Variants in BFAR observed in about 807,000 individuals in gnomAD.
BFAR encodes the protein bifunctional apoptosis regulator, also known as RING finger protein 47.
A neutral mutation model predicts 54.4 loss-of-function variants in BFAR; 52 were observed. The ratio of observed to expected loss-of-function variants is 0.96; its 90% CI spans 0.77 to 1.21. The LOEUF (loss-of-function observed/expected upper bound fraction) is 1.21, where lower values mean the gene tolerates loss of function less well. BFAR is among the 50% of genes most tolerant of loss of function. BFAR has a pLI of 0.00. For missense variants in BFAR, 571 were observed against 534.0 expected (o/e 1.07, Z -0.68); for synonymous variants, 215 against 204.3 (o/e 1.05, Z -0.45).
At chr16:14,654,557 G>A (rs1960068748) in intron 4 of BFAR, among the ~76,000 whole-genome samples, 1 of 146,364 alleles carries the variant, frequency 6.8e-6, no homozygotes, top group East Asian at 2.0e-4. Context: ...CTGAAGGCTG[G>A]AGGGCAGTGA....
chr16:14,662,721 T>A (rs1472867647), intron 6 of BFAR, among the ~76,000 whole-genome samples: 1 of 152,112 alleles, frequency 6.6e-6, no homozygotes. Context: ...TTTCACCATG[T>A]TGCCCAGCCT....
intron 1 of BFAR, among the ~76,000 whole-genome samples, chr16:14,634,636 T>G (rs1446249564): frequency 1.3e-5 from 2 of 152,140 alleles, no homozygotes; most frequent in Non-Finnish European, 2.9e-5. Flanking sequence ...CAGACCAACC[T>G]AGGCAACATA....
In BFAR at chr16:14,664,919, C is replaced by A; in HGVS notation, c.1008C>A (p.Tyr336Ter). ...WKQWREFLVK[Y>*]SFLPYQLIAE... ...AGTGGAGAGAGTTCCTGGTCAAATA[C>A]TCCTTCCTTCCATACCAGCTGATTG... is the stretch of plus-strand genomic sequence containing the variant. The change falls in exon 7 of 8, where the codon TAC (tyrosine) becomes TAA (stop). Residue 336 changes from tyrosine to a stop codon, truncating the protein, a stop_gained. Transcript: ENST00000261658. LOFTEE classifies it high-confidence loss of function. 3 of 1,614,060 alleles carry A rather than the reference C, an allele frequency of 1.9e-6. No individual in the cohort carries two copies. Among genetic ancestry groups the A allele is most frequent in the Non-Finnish European group, 2.5e-6 (3 of 1,179,912 alleles).
chr16:14,667,870 C>G lies in BFAR; in HGVS notation c.*43C>G. The G allele has an allele frequency of 6.3e-7, 1 of 1,578,522 alleles. No homozygotes were observed. Among genetic ancestry groups the G allele is most frequent in the Non-Finnish European group, 8.7e-7 (1 of 1,150,438 alleles). On this transcript the variant is annotated 3_prime_UTR_variant, in exon 8 of 8. Transcript: ENST00000261658. ...GAGACTCTTCAAGTCCCGCTGACGT[C>G]TGAGCTTTGATGCTTAAGAGGGGTG...
chr16:14,661,397 T>A lies in BFAR; in HGVS notation c.784-495T>A, dbSNP rs1005035834. ...GCTAGAGCTAGAGATTGGATCTTTT[T>A]TTTTTTTTTTTTTTTTTTTTTTGAG... On this transcript the variant is annotated intron_variant, in intron 5 of 7. Transcript: ENST00000261658. Among the ~76,000 whole-genome samples, 7 of 131,726 alleles carry A rather than the reference T, an allele frequency of 5.3e-5. No individual in the cohort carries two copies. In the Admixed American group the frequency reaches 5.4e-4, roughly 10 times the overall value. The allele number at this position is 131,726 out of a possible 152,430, so 86.4% of individuals were successfully genotyped here. A position where few individuals can be genotyped will look rare whatever the true frequency, so the allele number is the denominator to read the frequency against.
intron 2 of BFAR, among the ~76,000 whole-genome samples, chr16:14,645,334 A>G (rs888272622): frequency 2.0e-5 from 3 of 152,122 alleles, no homozygotes; most frequent in Non-Finnish European, 2.9e-5. Context: ...AAAGAAAGAA[A>G]GAAAGCAAAT....
intron 7 of BFAR, chr16:14,667,172 A>C (rs1280479908): frequency 4.0e-5 from 6 of 148,398 alleles, no homozygotes; most frequent in Non-Finnish European, 7.5e-5. Flanking sequence ...CCTTGTCCCT[A>C]CTTAAAATAA....
intron 5 of BFAR, among the ~76,000 whole-genome samples, chr16:14,656,724 C>A (rs1960139502): frequency 6.6e-6 from 1 of 152,070 alleles, no homozygotes; most frequent in Non-Finnish European, 1.5e-5. Flanking sequence ...ACCTAAGTGC[C>A]CCTCATTAGG....
intron 2 of BFAR, 35 bp from the exon 3 acceptor site, chr16:14,648,353 C>A (rs762829321): frequency 1.3e-6 from 2 of 1,541,092 alleles, no homozygotes; most frequent in South Asian, 1.1e-5. Context: ...TTTAGTCAAA[C>A]AACTGTCTTA....
At chr16:14,645,849 A>G (rs951103301) in intron 2 of BFAR, among the ~76,000 whole-genome samples, 7 of 152,192 alleles carry the variant, frequency 4.6e-5, no homozygotes, top group East Asian at 1.9e-4. Context: ...ATACACACAC[A>G]TACACACACA....
chr16:14,639,655 G>T (rs1959562036), intron 1 of BFAR, among the ~76,000 whole-genome samples: 1 of 152,140 alleles, frequency 6.6e-6, no homozygotes, highest in Admixed American at 6.5e-5. Context: ...TGCATCATTG[G>T]GAGATTGTGT....
In BFAR at chr16:14,644,470, G is replaced by A. The variant is rs1345955730; in HGVS notation, c.124G>A (p.Val42Ile). 1 of 1,613,884 alleles carries A rather than the reference G, an allele frequency of 6.2e-7. No homozygotes were observed. The highest frequency in any genetic ancestry group is 8.5e-7 in the Non-Finnish European group (1 of 1,180,020). ...TTGCCACTGCTGCTACGACATCCTGGTTAACCCCACCACCTTGAACTGTGG... is the reference window on the plus strand; with the variant it reads ...TTGCCACTGCTGCTACGACATCCTGATTAACCCCACCACCTTGAACTGTGG... ...FSCHCCYDIL[V>I]NPTTLNCGHS... The change falls in exon 2 of 8, where the codon GTT (valine) becomes ATT (isoleucine). Residue 42 changes from valine (V) to isoleucine (I), a missense_variant. Coordinates refer to ENST00000261658, the MANE Select transcript of BFAR (RefSeq NM_016561.3).
chr16:14,654,006 CTTT>C (rs776274046), intron 4 of BFAR, among the ~76,000 whole-genome samples: 1 of 121,480 alleles, frequency 8.2e-6, no homozygotes, highest in Middle Eastern at 3.9e-3. Flanking sequence ...CATCTAAGAA[CTTT>C]TTTTTTTTTT....
chr16:14,645,295 G>A (rs1371036883), intron 2 of BFAR, among the ~76,000 whole-genome samples: 1 of 152,018 alleles, frequency 6.6e-6, no homozygotes, highest in East Asian at 1.9e-4. Flanking sequence ...GGGCAACAGA[G>A]CAAGACCCTG....
Position 14,636,965 on chromosome 16 carries a change from C to T in BFAR, c.-74+3947C>T, listed in dbSNP as rs376276460. Among the ~76,000 whole-genome samples, 6 of 152,154 alleles carry T rather than the reference C, an allele frequency of 3.9e-5. No homozygotes were observed. The East Asian group carries it at 1.2e-3, about 29-fold the overall frequency. On this transcript the variant is annotated intron_variant, in intron 1 of 7. Coordinates refer to ENST00000261658, the MANE Select transcript of BFAR (RefSeq NM_016561.3). ...GACACAGCACGTGTTTCAGAGAGCACGGGGTTGGGGGTAAGGTTATAGATT... is the reference window on the plus strand; with the variant it reads ...GACACAGCACGTGTTTCAGAGAGCATGGGGTTGGGGGTAAGGTTATAGATT...
chr16:14,652,110 C>T (rs559237888), intron 4 of BFAR, among the ~76,000 whole-genome samples: 1 of 151,664 alleles, frequency 6.6e-6, no homozygotes, highest in East Asian at 2.0e-4. Context: ...TGGTGTTGAA[C>T]TACTGACCTC....
chr16:14,636,146 A>G (rs565233990), intron 1 of BFAR, among the ~76,000 whole-genome samples: 2 of 152,202 alleles, frequency 1.3e-5, no homozygotes, highest in African/African-American at 2.4e-5. Context: ...GGTTTCCCCC[A>G]TGAAGGGGTG....
intron 3 of BFAR, 86 bp downstream of exon 3, chr16:14,648,678 C>A: frequency 1.0e-6 from 1 of 967,474 alleles, no homozygotes; most frequent in Non-Finnish European, 1.6e-6. Context: ...CTGTTGAAAT[C>A]ACTGAAATAA....
Position 14,660,331 on chromosome 16 carries a change from C to T in BFAR, c.784-1561C>T, listed in dbSNP as rs193259029. Among the ~76,000 whole-genome samples the T allele has an allele frequency of 4.6e-5, 7 of 152,148 alleles. No homozygotes were observed. The South Asian group carries it at 8.3e-4, about 18-fold the overall frequency. On this transcript the variant is annotated intron_variant, in intron 5 of 7. Coordinates refer to ENST00000261658, the MANE Select transcript of BFAR (RefSeq NM_016561.3). Reference sequence around the variant, plus strand: ...GATGGAGTTTTGCCCTTGTTGCCCACGCTGGATTTCAATGGCAAGATCTTG... The same window carrying T: ...GATGGAGTTTTGCCCTTGTTGCCCATGCTGGATTTCAATGGCAAGATCTTG...
Sources: allele counts gnomAD v4.1 joint callset (sites outside exome capture counted in the v4.1 genomes callset), GRCh38; gene constraint gnomAD v4.1.1; transcripts MANE v1.5; gene names NCBI Gene and HGNC (gene_info 2026-07-23, HGNC 2026-07-21).